The following MYRIP variants were observed in gnomAD, a reference collection of about 807,000 sequenced individuals.
MYRIP encodes the protein rab effector MyRIP.
In MYRIP, 49 loss-of-function variants were observed where a neutral mutation model predicts 98.0. The observed-to-expected ratio is 0.50, with a 90% confidence interval of 0.40 to 0.63. The LOEUF (loss-of-function observed/expected upper bound fraction) is 0.63. Ranked by LOEUF, MYRIP falls within the 30% of genes least tolerant of loss-of-function variation. The probability of loss-of-function intolerance (pLI) is 0.00; values close to 1 mark genes in which losing one functional copy is unlikely to be tolerated. For synonymous variants in MYRIP, 404 were observed against 409.5 expected, an observed-to-expected ratio of 0.99 and a Z score of 0.16; for missense variants, 1,004 against 1,058.2, an observed-to-expected ratio of 0.95 and a Z score of 0.71.
intron 3 of MYRIP, among the ~76,000 whole-genome samples, chr3:40,075,933 C>T (rs560478147): frequency 2.0e-5 from 3 of 152,304 alleles, no homozygotes; most frequent in African/African-American, 7.2e-5. Context: ...GGCATGCTCA[C>T]GCCTGTAATC....
At chr3:40,064,502 A>G (rs1948087413) in intron 3 of MYRIP, among the ~76,000 whole-genome samples, 1 of 152,236 alleles carries the variant, frequency 6.6e-6, no homozygotes, top group Non-Finnish European at 1.5e-5. Context: ...TGCTTAAGGT[A>G]GACAGTATAA....
chr3:40,160,042 C>G (rs2125586874), intron 4 of MYRIP, among the ~76,000 whole-genome samples: 1 of 152,330 alleles, frequency 6.6e-6, no homozygotes, highest in East Asian at 1.9e-4. Context: ...TGGTGAGGAA[C>G]TGTGTTCCTT....
intron 4 of MYRIP, among the ~76,000 whole-genome samples, chr3:40,155,941 T>C (rs1950225652): frequency 6.6e-6 from 1 of 152,076 alleles, no homozygotes; most frequent in South Asian, 2.1e-4. Flanking sequence ...ATTTTGTAGG[T>C]TGCCTGTTCA....
chr3:40,046,622 G>T (rs1485362418), intron 3 of MYRIP, among the ~76,000 whole-genome samples: 2 of 149,582 alleles, frequency 1.3e-5, no homozygotes, highest in African/African-American at 5.0e-5. Flanking sequence ...ACAATGTGTG[G>T]CATGAGCAAA....
In MYRIP at chr3:40,189,953, T is replaced by C. The variant is rs1951155811; in HGVS notation, c.1155T>C (p.Ser385=). The C allele has an allele frequency of 6.2e-7, 1 of 1,613,946 alleles. No homozygotes were observed. The highest frequency in any genetic ancestry group is 1.7e-5 in the Admixed American group (1 of 60,002). ...TTCAGGCCCTGGAGGTGGCCTCCAG[T>C]GTGGCATCTGCCTACGATGAGATGG... is the stretch of plus-strand genomic sequence containing the variant. The part of the protein sequence containing the change: ...GTFQALEVAS[S]VASAYDEMGS... The change falls in exon 10 of 17, where the codon AGT becomes AGC. Residue 385 remains serine, a synonymous_variant. Transcript: ENST00000302541.
chr3:40,189,794 C>T (rs1951149819), intron 9 of MYRIP, 32 bp from the exon 10 acceptor site: 7 of 1,562,214 alleles, frequency 4.5e-6, no homozygotes, highest in Non-Finnish European at 6.1e-6. Flanking sequence ...ATAACAGCCC[C>T]TCTCTGCTTT....
At chr3:39,821,300 C>A (rs989831060) in intron 1 of MYRIP, among the ~76,000 whole-genome samples, 2 of 152,138 alleles carry the variant, frequency 1.3e-5, no homozygotes, top group African/African-American at 4.8e-5. Flanking sequence ...ACACTTCCTG[C>A]TGTCCTCCAC....
chr3:40,092,523 T>C (rs1184205123), intron 3 of MYRIP, among the ~76,000 whole-genome samples: 1 of 152,124 alleles, frequency 6.6e-6, no homozygotes, highest in Non-Finnish European at 1.5e-5. Flanking sequence ...CTTGGGACCG[T>C]CTAGGATCCC....
intron 2 of MYRIP, among the ~76,000 whole-genome samples, chr3:40,001,337 G>T (rs1330529848): frequency 1.3e-5 from 2 of 152,192 alleles, no homozygotes; most frequent in African/African-American, 4.8e-5. Context: ...AATGGCAAAG[G>T]ATGTGGAAAC....
chr3:40,034,058 T>C (rs941060424), intron 2 of MYRIP, among the ~76,000 whole-genome samples: 2 of 152,098 alleles, frequency 1.3e-5, no homozygotes, highest in African/African-American at 4.8e-5. Context: ...TTACACCTTA[T>C]ACAAAAATTA....
intron 2 of MYRIP, among the ~76,000 whole-genome samples, chr3:40,035,554 A>G (rs1346142631): frequency 6.6e-6 from 1 of 151,998 alleles, no homozygotes; most frequent in Non-Finnish European, 1.5e-5. Context: ...GCCTCTAAGA[A>G]CTGAATATAA....
chr3:40,008,476 C>T (rs1313242235), intron 2 of MYRIP, among the ~76,000 whole-genome samples: 1 of 152,114 alleles, frequency 6.6e-6, no homozygotes, highest in East Asian at 1.9e-4. Context: ...CTGGCTTAGC[C>T]AGGCTGTAAG....
intron 2 of MYRIP, among the ~76,000 whole-genome samples, chr3:39,905,411 T>C (rs1294376066): frequency 2.0e-5 from 3 of 152,200 alleles, no homozygotes; most frequent in Non-Finnish European, 4.4e-5. Flanking sequence ...CACTTACTTA[T>C]ATTACCCTTG....
chr3:40,073,898 A>C (rs1948283693), intron 3 of MYRIP, among the ~76,000 whole-genome samples: 1 of 152,190 alleles, frequency 6.6e-6, no homozygotes. Flanking sequence ...GGACCTTTCA[A>C]TTCTACTCTC....
At chr3:39,809,577 C>T (rs1203625648), upstream of MYRIP, 2 of 151,290 alleles carry the variant, frequency 1.3e-5, no homozygotes, top group African/African-American at 4.8e-5. Flanking sequence ...GGCTCTCGGC[C>T]GGGCCAGCAG....
intron 10 of MYRIP, among the ~76,000 whole-genome samples, chr3:40,195,026 T>C (rs1575616635): frequency 6.6e-6 from 1 of 152,326 alleles, no homozygotes; most frequent in East Asian, 1.9e-4. Context: ...TAATGTATAC[T>C]TATTTCTCTT....
At chr3:40,020,229 A>G (rs1946961605) in intron 2 of MYRIP, among the ~76,000 whole-genome samples, 1 of 152,220 alleles carries the variant, frequency 6.6e-6, no homozygotes, top group Non-Finnish European at 1.5e-5. Context: ...CTTACAAGTG[A>G]CAACATGTGG....
intron 4 of MYRIP, among the ~76,000 whole-genome samples, chr3:40,152,039 T>C (rs1950134741): frequency 6.6e-6 from 1 of 152,242 alleles, no homozygotes; most frequent in Non-Finnish European, 1.5e-5. Context: ...ATGGAGGCAC[T>C]AAACATGGAG....
At chr3:40,156,264 G>T (rs1341232493) in intron 4 of MYRIP, among the ~76,000 whole-genome samples, 1 of 151,788 alleles carries the variant, frequency 6.6e-6, no homozygotes, top group South Asian at 2.1e-4. Context: ...TTTCCCTATT[G>T]CTTGTTTTTC....
Sources: gnomAD v4.1 joint callset for allele counts (sites outside exome capture counted in the v4.1 genomes callset) on GRCh38, gnomAD v4.1.1 for gene constraint, MANE v1.5 for transcripts, NCBI Gene and HGNC (gene_info 2026-07-23, HGNC 2026-07-21) for gene names.